ANKRD36C: variants seen among roughly 807,000 people sequenced by gnomAD.
ANKRD36C encodes the protein ankyrin repeat domain-containing protein 36C.
In ANKRD36C, 61 loss-of-function variants were observed where a neutral mutation model predicts 276.4. The ratio of observed to expected loss-of-function variants is 0.22; its 90% CI spans 0.18 to 0.27. ANKRD36C has a LOEUF of 0.27. ANKRD36C is among the 10% of genes least tolerant of loss of function. The pLI, the probability that ANKRD36C is intolerant of heterozygous loss-of-function variation, is 1.00. For synonymous variants in ANKRD36C, 483 were observed against 680.1 expected, an observed-to-expected ratio of 0.71 and a Z score of 4.51; for missense variants, 1,447 against 2,032.3, an observed-to-expected ratio of 0.71 and a Z score of 5.54.
rs200558089 is a variant in ANKRD36C at position 95,921,626 on chromosome 2, A to G, written c.2226T>C (p.Asp742=). ...AATTACCTGTCCCAGATTTTTCTCCATCCTTTATTTCTGTGGCTATATTCG... is the reference window on the plus strand; with the variant it reads ...AATTACCTGTCCCAGATTTTTCTCCGTCCTTTATTTCTGTGGCTATATTCG... The change falls in exon 34 of 67, where the codon GAT becomes GAC. Residue 742 remains aspartate (D), a synonymous_variant. Transcript: ENST00000456556. The G allele has an allele frequency of 1.0e-3, 1,681 of 1,608,760 alleles. 8 individuals carry two copies. The highest frequency in any genetic ancestry group is 5.9e-3 in the African/African-American group (440 of 74,664).
At chr2:95,958,480 C>T (rs1678382224) in intron 12 of ANKRD36C, 111 bp downstream of exon 12, 7 of 1,383,370 alleles carry the variant, frequency 5.1e-6, no homozygotes, top group Middle Eastern at 2.5e-4. Context: ...ATCTCAGGCC[C>T]GCTGAATCAG....
At position 95,908,412 on chromosome 2, in the gene ANKRD36C, C is replaced by T; in HGVS notation, c.2653+3832G>A. 4.9e-6 allele frequency: 6 copies of T among 1,233,328 alleles called. No homozygotes were observed. In the South Asian group the frequency reaches 8.4e-5, roughly 17 times the overall value. The allele number at this position is 1,233,328 out of a possible 1,614,324, so 76.4% of individuals were successfully genotyped here. A position where few individuals can be genotyped will look rare whatever the true frequency, so the allele number is the denominator to read the frequency against. On this transcript the variant is annotated intron_variant, in intron 42 of 66. Coordinates refer to ENST00000456556, the Ensembl canonical transcript of ANKRD36C. ...AGGACTGCTGAATCAGAATGTGCAG[C>T]TTCAACGAGCCCCCCGCTGATTTAT...
At position 95,917,861 on chromosome 2, in the gene ANKRD36C, C is replaced by T. The variant is rs753324480; in HGVS notation, c.2341G>A (p.Gly781Arg). The T allele has an allele frequency of 5.0e-6, 8 of 1,598,814 alleles. No homozygotes were observed. The African/African-American group carries it at 9.4e-5, about 19-fold the overall frequency. The change falls in exon 36 of 67, where the codon GGG (glycine) becomes AGG (arginine). Residue 781 changes from glycine (G) to arginine (R), a missense_variant. This residue lies in a region of ANKRD36C where 565 missense variants were observed against 539.5 expected (regional missense o/e 1.05). Transcript: ENST00000456556. ...ATGTCTTTTGCAAAATTACCTGTCC[C>T]AGATTTTTCTCCGTCCTTTATTTCT...
intron 36 of ANKRD36C, among the ~76,000 whole-genome samples, chr2:95,916,413 T>C (rs960177033): frequency 3.3e-5 from 5 of 151,492 alleles, no homozygotes; most frequent in Non-Finnish European, 5.9e-5. Flanking sequence ...TGTCGAAAAC[T>C]AAAATAAAAC....
Position 95,908,485 on chromosome 2 carries a change from T to C in ANKRD36C, c.2653+3759A>G. 3 of 1,513,174 alleles carry C rather than the reference T, an allele frequency of 2.0e-6. No homozygotes were observed. Among genetic ancestry groups the C allele is most frequent in the Non-Finnish European group, 2.7e-6 (3 of 1,120,524 alleles). The allele number at this position is 1,513,174 out of a possible 1,614,324, so 93.7% of individuals were successfully genotyped here. A position where few individuals can be genotyped will look rare whatever the true frequency, so the allele number is the denominator to read the frequency against. On this transcript the variant is annotated intron_variant, in intron 42 of 66. Coordinates refer to ENST00000456556, the Ensembl canonical transcript of ANKRD36C. ...TATCTGGACTGAACATGACATTAAATCTCTTTTCAAAATTACCTCTCCTAG... is the reference window on the plus strand; with the variant it reads ...TATCTGGACTGAACATGACATTAAACCTCTTTTCAAAATTACCTCTCCTAG...
intron 30 of ANKRD36C, among the ~76,000 whole-genome samples, chr2:95,924,624 C>T (rs893007697): frequency 4.6e-5 from 7 of 151,504 alleles, no homozygotes; most frequent in Non-Finnish European, 8.9e-5. Flanking sequence ...CTAATATAGT[C>T]GTATTAAATT....
intron 56 of ANKRD36C, 50 bp downstream of exon 76, chr2:95,882,252 T>C (rs1197190897): frequency 6.5e-7 from 1 of 1,545,936 alleles, no homozygotes; most frequent in Admixed American, 2.0e-5. Context: ...GGTGGGACAT[T>C]GTCTTCTATC....
chr2:95,915,955 C>T, intron 38 of ANKRD36C, 25 bp downstream of exon 40: 1 of 1,541,814 alleles, frequency 6.5e-7, no homozygotes, highest in Non-Finnish European at 8.7e-7. Context: ...CTGAACATGA[C>T]ATTAAATGTG....
At chr2:95,946,259 A>G (rs906230733) in intron 17 of ANKRD36C, among the ~76,000 whole-genome samples, 8 of 151,936 alleles carry the variant, frequency 5.3e-5, no homozygotes, top group African/African-American at 9.7e-5. Flanking sequence ...CCTTGAACAG[A>G]CACTTCTCAA....
intron 59 of ANKRD36C, among the ~76,000 whole-genome samples, chr2:95,873,100 T>A (rs1303011762): frequency 1.3e-5 from 2 of 152,178 alleles, no homozygotes; most frequent in African/African-American, 2.4e-5. Context: ...AAGGAGGAAG[T>A]GATACCCTTC....
chr2:95,950,624 A>T, intron 16 of ANKRD36C, 125 bp downstream of exon 16: 1 of 1,197,394 alleles, frequency 8.4e-7, no homozygotes. Context: ...AGATGACATG[A>T]CATGACAAAT....
At chr2:95,989,745 A>G (rs1481958277) in intron 1 of ANKRD36C, among the ~76,000 whole-genome samples, 4 of 152,246 alleles carry the variant, frequency 2.6e-5, no homozygotes, top group African/African-American at 9.6e-5. Context: ...AAAAGTCATC[A>G]GAAATGTAAA....
chr2:95,864,797 A>C (rs938736266), intron 60 of ANKRD36C, among the ~76,000 whole-genome samples: 4 of 152,032 alleles, frequency 2.6e-5, no homozygotes, highest in African/African-American at 9.7e-5. Context: ...CTTTTGCCAC[A>C]AGCCTAAAAT....
At chr2:95,911,175 AG>A (rs1192470005) in intron 42 of ANKRD36C, among the ~76,000 whole-genome samples, 3 of 151,450 alleles carry the variant, frequency 2.0e-5, no homozygotes, top group Admixed American at 6.6e-5. Flanking sequence ...ACTTTGCTTA[AG>A]TTTCTTTCAT....
intron 36 of ANKRD36C, 50 bp downstream of exon 38, chr2:95,917,805 T>A: frequency 1.3e-6 from 2 of 1,554,648 alleles, no homozygotes; most frequent in Non-Finnish European, 1.7e-6. Flanking sequence ...GTAGAGAAGT[T>A]CTTTTCTATC....
chr2:95,934,181 G>A (rs1028545368), intron 24 of ANKRD36C, among the ~76,000 whole-genome samples: 5 of 152,152 alleles, frequency 3.3e-5, no homozygotes, highest in Admixed American at 6.6e-5. Flanking sequence ...CAACCACTGT[G>A]GAAGACAGTG....
chr2:95,989,327 C>T (rs939715404), intron 1 of ANKRD36C, among the ~76,000 whole-genome samples: 9 of 152,030 alleles, frequency 5.9e-5, no homozygotes, highest in African/African-American at 1.9e-4. Flanking sequence ...TTATACATCA[C>T]GGATAAGAAA....
At chr2:95,925,778 A>C (rs1366125099) in intron 28 of ANKRD36C, among the ~76,000 whole-genome samples, 2 of 151,604 alleles carry the variant, frequency 1.3e-5, no homozygotes, top group African/African-American at 4.8e-5. Context: ...ATTATGTGTC[A>C]TGTGTGTATT....
intron 42 of ANKRD36C, among the ~76,000 whole-genome samples, chr2:95,911,123 A>G (rs951594521): frequency 2.6e-4 from 39 of 151,536 alleles, no homozygotes; most frequent in African/African-American, 8.7e-4. Flanking sequence ...GCTGATACCT[A>G]GTAGATAATA....
Sources: allele counts gnomAD v4.1 joint callset (sites outside exome capture counted in the v4.1 genomes callset), GRCh38; gene constraint gnomAD v4.1.1; regional missense constraint gnomAD v4.1.1; transcripts MANE v1.5; gene names NCBI Gene and HGNC (gene_info 2026-07-23, HGNC 2026-07-21).